DOK7: variants seen among roughly 807,000 people sequenced by gnomAD.
DOK7 encodes the protein docking protein 7.
A neutral mutation model predicts 30.7 loss-of-function variants in DOK7; 32 were observed. That is an observed-to-expected ratio of 1.04 (90% CI 0.79 to 1.40). The LOEUF (loss-of-function observed/expected upper bound fraction) is 1.40. Ranked by LOEUF, DOK7 falls within the 40% of genes most tolerant of loss-of-function variation. The probability of loss-of-function intolerance (pLI) is 0.00; values close to 1 mark genes in which losing one functional copy is unlikely to be tolerated. For synonymous variants in DOK7, 447 were observed against 324.1 expected (o/e 1.38, Z -4.07); for missense variants, 1,007 against 699.2 (o/e 1.44, Z -4.97).
chr4:3,482,895 GACGGCAGCAGGTGGGGCTGA>G (rs1727518734), intron 4 of DOK7, among the ~76,000 whole-genome samples: 1 of 152,204 alleles, frequency 6.6e-6, no homozygotes, highest in Non-Finnish European at 1.5e-5. Context: ...TGGCAGCCGG[GACGGCAGCAGGTGGGGCTGA>G]ACCCCAGAGG....
intron 2 of DOK7, among the ~76,000 whole-genome samples, chr4:3,468,699 T>G (rs1726508677): frequency 7.2e-6 from 1 of 138,750 alleles, no homozygotes; most frequent in Non-Finnish European, 1.5e-5. Flanking sequence ...CATGTATGTC[T>G]GTGTATGTGT....
In DOK7 at chr4:3,467,682, G is replaced by A. The variant is rs185978198; in HGVS notation, c.100+4131G>A. Among the ~76,000 whole-genome samples, 28 of 152,308 alleles carry A rather than the reference G, an allele frequency of 1.8e-4. No homozygotes were observed. In the East Asian group the frequency reaches 5.2e-3, roughly 28 times the overall value. The stretch of plus-strand genomic sequence containing the variant: ...AGAGTGAATGTGTGAGTGTGGGCTT[G>A]TGTGGCTGTCTTAGCTCAGGCGGCT... On this transcript the variant is annotated intron_variant, in intron 2 of 6. Coordinates refer to ENST00000340083, the MANE Select transcript of DOK7 (RefSeq NM_173660.5).
Position 3,492,908 on chromosome 4 carries a change from G to A in DOK7, c.922G>A (p.Gly308Arg), listed in dbSNP as rs759691572. 7.2e-5 allele frequency: 113 copies of A among 1,574,996 alleles called. No individual in the cohort carries two copies. Among genetic ancestry groups the A allele is most frequent in the Non-Finnish European group, 8.6e-5 (100 of 1,163,512 alleles). The stretch of plus-strand genomic sequence containing the variant: ...TAGACCAGCAGCTGCCCAGGCCGCC[G>A]GGGAAGCCATGGTGGGTGCCTCAAG... ...GPRPAAAQAA[G>R]EAMVGASRPP... The change falls in exon 7 of 7, where the codon GGG becomes AGG. Residue 308 changes from glycine to arginine, a missense_variant. Coordinates refer to ENST00000340083, the MANE Select transcript of DOK7 (RefSeq NM_173660.5).
chr4:3,498,879 T>G (rs1729054585), downstream of DOK7, among the ~76,000 whole-genome samples: 3 of 152,146 alleles, frequency 2.0e-5, no homozygotes, highest in African/African-American at 7.2e-5. Flanking sequence ...GTTGGTTGCT[T>G]TAGTTCATGG....
At chr4:3,473,659 G>T (rs974352863) in intron 3 of DOK7, 23 bp downstream of exon 3, 18 of 1,523,920 alleles carry the variant, frequency 1.2e-5, no homozygotes, top group Non-Finnish European at 6.2e-6. Flanking sequence ...GGCCGGGGCC[G>T]GGCGGGGGCT....
At chr4:3,463,682 C>A in intron 2 of DOK7, 131 bp downstream of exon 2, 1 of 1,181,890 alleles carries the variant, frequency 8.5e-7, no homozygotes, top group Non-Finnish European at 1.2e-6. Flanking sequence ...GAGCCCCGTG[C>A]GGACCCGGAC....
At chr4:3,489,941 C>A in intron 6 of DOK7, 145 bp downstream of exon 6, 1 of 1,306,508 alleles carries the variant, frequency 7.7e-7, no homozygotes, top group Non-Finnish European at 1.0e-6. Context: ...TTCATTCTTC[C>A]CCCAACTCCC....
intron 5 of DOK7, among the ~76,000 whole-genome samples, 196 bp from the exon 6 acceptor site, chr4:3,489,481 G>C (rs995294874): frequency 2.5e-4 from 38 of 152,306 alleles, no homozygotes; most frequent in South Asian, 1.2e-3. Context: ...GGCGCATGGT[G>C]GCCTGGATAG....
intron 5 of DOK7, among the ~76,000 whole-genome samples, chr4:3,486,113 G>A (rs914886350): frequency 1.3e-5 from 2 of 152,226 alleles, no homozygotes; most frequent in Admixed American, 1.3e-4. Context: ...TAGGCCCAAG[G>A]CCACCTCGGG....
rs1359120561 is a variant in DOK7, at chr4:3,493,873, G to T, written c.*372G>T. The T allele has an allele frequency of 8.9e-7, 1 of 1,126,824 alleles. No homozygotes were observed. Among genetic ancestry groups the T allele is most frequent in the African/African-American group, 1.6e-5 (1 of 60,804 alleles). The allele number at this position is 1,126,824 out of a possible 1,614,324, so 69.8% of individuals were successfully genotyped here. On this transcript the variant is annotated 3_prime_UTR_variant, in exon 7 of 7. Coordinates refer to ENST00000340083, the MANE Select transcript of DOK7 (RefSeq NM_173660.5). ...CCTGCCGCTGGCCTTGTCCTCCTTG[G>T]GCCTCACGCCCCCTTCGGGGGTGGC...
chr4:3,475,185 A>G (rs1008211523), intron 3 of DOK7, among the ~76,000 whole-genome samples: 4 of 152,204 alleles, frequency 2.6e-5, no homozygotes, highest in African/African-American at 9.7e-5. Flanking sequence ...GAAGAACTGC[A>G]TCTTTCCAGA....
chr4:3,488,803 CAGG>C (rs1727978161), intron 5 of DOK7, among the ~76,000 whole-genome samples: 1 of 146,442 alleles, frequency 6.8e-6, no homozygotes, highest in Non-Finnish European at 1.5e-5. Flanking sequence ...GCTTCCCTGC[CAGG>C]GAAACTCTTT....
intron 6 of DOK7, among the ~76,000 whole-genome samples, chr4:3,492,145 A>C (rs936501130): frequency 1.3e-5 from 2 of 152,184 alleles, no homozygotes; most frequent in Non-Finnish European, 2.9e-5. Flanking sequence ...AGAGCACGGG[A>C]GGGGCCTGGC....
At chr4:3,477,086 G>A (rs762784723) in intron 4 of DOK7, among the ~76,000 whole-genome samples, 5 of 152,184 alleles carry the variant, frequency 3.3e-5, no homozygotes, top group Admixed American at 6.5e-5. Context: ...CTCAGCCAGG[G>A]GAGTGAGGGA....
rs1263544126 is a variant in DOK7, at chr4:3,467,002, G to A, written c.100+3451G>A. Among the ~76,000 whole-genome samples the A allele has an allele frequency of 2.6e-5, 4 of 152,186 alleles. No individual in the cohort carries two copies. In the South Asian group the frequency reaches 6.2e-4, roughly 24 times the overall value. On this transcript the variant is annotated intron_variant, in intron 2 of 6. Transcript: ENST00000340083. ...GAGGCATCAGCAGGCCGGCCTGGTC[G>A]ATGGCCGCCCCCCTTGCTCCTGCCC...
intron 2 of DOK7, among the ~76,000 whole-genome samples, chr4:3,469,385 C>T (rs1726616299): frequency 1.3e-5 from 2 of 152,170 alleles, no homozygotes; most frequent in African/African-American, 4.8e-5. Context: ...AAAAGCCTTC[C>T]CTGGCCAGGT....
rs2071701 is a variant in DOK7, at chr4:3,500,659, C to T, written c.1262-33C>T. 328,938 of 1,535,404 alleles carry T rather than the reference C, an allele frequency of 0.21. 39,057 individuals carry two copies. Among genetic ancestry groups the T allele is most frequent in the East Asian group, 0.51 (20,838 of 40,874 alleles). ...GGTCACAGGGCTGGGTGGCTCGGGG[C>T]GCAGGCTGCCGCTCACTACAGAATT... On this transcript the variant is annotated intron_variant, in intron 7 of 7. Transcript: ENST00000643608.
Position 3,479,473 on chromosome 4 carries a change from G to A in DOK7, c.532+2931G>A, listed in dbSNP as rs116298186. ...TGTGGGTGTCGTCACATTCAGTCTG[G>A]AGGTCACAGCTGGGCTGGAGTCGTG... On this transcript the variant is annotated intron_variant, in intron 4 of 6. Coordinates refer to ENST00000340083, the MANE Select transcript of DOK7 (RefSeq NM_173660.5). Among the ~76,000 whole-genome samples, 211 of 152,390 alleles carry A rather than the reference G, an allele frequency of 1.4e-3. 1 individual carries two copies. Among genetic ancestry groups the A allele is most frequent in the African/African-American group, 4.5e-3 (188 of 41,596 alleles).
chr4:3,469,165 G>T (rs575832400), intron 2 of DOK7, among the ~76,000 whole-genome samples: 3 of 151,456 alleles, frequency 2.0e-5, no homozygotes, highest in African/African-American at 7.3e-5. Context: ...GAGTGTGCAT[G>T]TGTGTGTGTG....
Sources: gnomAD v4.1 joint callset for allele counts (sites outside exome capture counted in the v4.1 genomes callset) on GRCh38, gnomAD v4.1.1 for gene constraint, MANE v1.5 for transcripts, NCBI Gene and HGNC (gene_info 2026-07-23, HGNC 2026-07-21) for gene names.